RBL2: variants seen among roughly 807,000 people sequenced by gnomAD.
The protein encoded by RBL2 is retinoblastoma-like protein 2.
A neutral mutation model predicts 126.0 loss-of-function variants in RBL2; 56 were observed. The observed-to-expected ratio is 0.44, with a 90% CI of 0.36 to 0.56. The LOEUF is 0.56. Ranked by LOEUF, RBL2 falls within the 20% of genes least tolerant of loss-of-function variation. The pLI is 0.00. For missense variants in RBL2, 1,229 were observed against 1,398.2 expected (o/e 0.88, Z 1.93); for synonymous variants, 454 against 478.5 (o/e 0.95, Z 0.67).
At chr16:53,468,159 A>G (rs1460188029) in intron 14 of RBL2, among the ~76,000 whole-genome samples, 5 of 152,224 alleles carry the variant, frequency 3.3e-5, no homozygotes, top group African/African-American at 1.2e-4. Context: ...CTTGGATCCA[A>G]TTAAAAGAAT....
chr16:53,477,369 GC>G (rs1960766728), intron 17 of RBL2, among the ~76,000 whole-genome samples: 1 of 151,924 alleles, frequency 6.6e-6, no homozygotes, highest in Non-Finnish European at 1.5e-5. Context: ...ACTGAGTCTT[GC>G]TCTGTCGCCC....
rs766501197 is a variant in RBL2 at position 53,470,141 on chromosome 16, C to T, written c.2201C>T (p.Thr734Ile). ...ACTTTGGTCACCATGGCAACCGCCA[C>T]TGTCACAGCCAACAATGGGCAAACG... ...GQTLVTMATA[T>I]VTANNGQTVT... The change falls in exon 15 of 22, where the codon ACT (threonine) becomes ATT (isoleucine). Residue 734 changes from threonine (T) to isoleucine (I), a missense_variant. Thr to Ile is a moderately conservative substitution (Grantham distance 89). This residue lies in a region of RBL2 where 1,070 missense variants were observed against 1,274.3 expected (regional missense o/e 0.84). Transcript: ENST00000262133. 6.2e-7 allele frequency: 1 copy of T among 1,613,180 alleles called. No individual in the cohort carries two copies. The highest frequency in any genetic ancestry group is 8.5e-7 in the Non-Finnish European group (1 of 1,179,208).
At position 53,454,708 on chromosome 16, in the gene RBL2, G is replaced by A; in HGVS notation, c.1045G>A (p.Asp349Asn). The A allele has an allele frequency of 6.2e-7, 1 of 1,614,078 alleles. No individual in the cohort carries two copies. ...GTATGTTTTATCTGTTGGGAATTTA[G>A]ATGAGCGGATATTTCTTGGAGAGGA... ...EEYVLSVGNLDERIFLGEDAE... is the reference protein window; with the variant it reads ...EEYVLSVGNLNERIFLGEDAE... Residue 349 changes from aspartate (D) to asparagine (N), a missense_variant, in exon 8 of 22, where the codon GAT (aspartate) becomes AAT (asparagine). Asp to Asn is a conservative substitution (Grantham distance 23). Around this residue, in one of 2 missense-constraint regions of RBL2, gnomAD observed 1,070 missense variants for 1,274.3 expected, o/e 0.84. Transcript: ENST00000262133.
chr16:53,482,358 G>A (rs565291642), intron 21 of RBL2, among the ~76,000 whole-genome samples: 119 of 152,312 alleles, frequency 7.8e-4, no homozygotes, highest in African/African-American at 2.7e-3. Context: ...GGGAGCTGTT[G>A]AGGTATGGAA....
chr16:53,478,794 G>A (rs1371243273), intron 17 of RBL2, among the ~76,000 whole-genome samples: 1 of 151,958 alleles, frequency 6.6e-6, no homozygotes, highest in Non-Finnish European at 1.5e-5. Flanking sequence ...GCTAATTTTT[G>A]TATTTTTAGT....
Position 53,470,874 on chromosome 16 carries a change from C to T in RBL2, c.2655C>T (p.Asp885=), listed in dbSNP as rs371320916. The change falls in exon 17 of 22, where the codon GAC becomes GAT. Residue 885 remains aspartate (D), a synonymous_variant. Coordinates refer to ENST00000262133, the MANE Select transcript of RBL2 (RefSeq NM_005611.4). ...TTCAGTGTCCTGAACTTATGATGGA[C>T]AGACATCTGGACCAGTTATTAATGT... ...SIIQCPELMM[D]RHLDQLLMCA... 1.2e-6 allele frequency: 2 copies of T among 1,613,944 alleles called. No homozygotes were observed. Among genetic ancestry groups the T allele is most frequent in the Non-Finnish European group, 1.7e-6 (2 of 1,180,006 alleles).
Position 53,464,383 on chromosome 16 carries a change from A to C in RBL2, c.1698+20A>C. 1.3e-6 allele frequency: 2 copies of C among 1,540,558 alleles called. No individual in the cohort carries two copies. The highest frequency in any genetic ancestry group is 1.7e-4 in the Middle Eastern group (1 of 5,864). On this transcript the variant is annotated intron_variant, in intron 12 of 21. Coordinates refer to ENST00000262133, the MANE Select transcript of RBL2 (RefSeq NM_005611.4). ...TATAAGGTATTTTTAAAAATATGAT[A>C]CTAATGGGGATATTGTAGATGAGAC...
chr16:53,449,733 C>A (rs1019914679), intron 4 of RBL2: 4 of 151,968 alleles, frequency 2.6e-5, no homozygotes, highest in Non-Finnish European at 4.4e-5. Context: ...TCTTTTATAG[C>A]CACCTTTCTA....
chr16:53,443,795 TAA>T (rs2058037519), intron 3 of RBL2, among the ~76,000 whole-genome samples: 2 of 151,448 alleles, frequency 1.3e-5, no homozygotes, highest in Non-Finnish European at 2.9e-5. Flanking sequence ...ATGTTTACAT[TAA>T]GTGTAACCTT....
chr16:53,443,800 G>T (rs1006012584), intron 3 of RBL2, among the ~76,000 whole-genome samples: 3 of 149,538 alleles, frequency 2.0e-5, no homozygotes, highest in Non-Finnish European at 4.5e-5. Flanking sequence ...TACATTAAGT[G>T]TAACCTTTTA....
intron 13 of RBL2, 122 bp from the exon 14 acceptor site, chr16:53,466,936 A>G (rs1430887893): frequency 2.8e-6 from 2 of 711,600 alleles, no homozygotes; most frequent in Non-Finnish European, 4.6e-6. Context: ...AATGGGAAAG[A>G]CAGCTGATTT....
At chr16:53,438,615 G>A (rs1044938181) in intron 1 of RBL2, among the ~76,000 whole-genome samples, 21 of 151,930 alleles carry the variant, frequency 1.4e-4, no homozygotes, top group African/African-American at 4.6e-4. Flanking sequence ...AGGCCAAGGC[G>A]GATGGATCAC....
At chr16:53,467,315 G>A in intron 14 of RBL2, 146 bp downstream of exon 14, 1 of 626,768 alleles carries the variant, frequency 1.6e-6, no homozygotes, top group Non-Finnish European at 2.8e-6. Flanking sequence ...TTAAAAGAAG[G>A]GCCTTTAAAG....
intron 21 of RBL2, chr16:53,488,568 CAAG>C (rs1220793469): frequency 6.6e-6 from 1 of 151,902 alleles, no homozygotes; most frequent in Non-Finnish European, 1.5e-5. Flanking sequence ...TATTACAAAG[CAAG>C]AAGGGGGAGA....
chr16:53,460,300 A>G (rs2058208136), intron 9 of RBL2, among the ~76,000 whole-genome samples: 1 of 152,188 alleles, frequency 6.6e-6, no homozygotes, highest in Non-Finnish European at 1.5e-5. Flanking sequence ...AAAGGACCCC[A>G]TTTTATTTCT....
chr16:53,439,954 C>CAAAAAA (rs10591959), intron 2 of RBL2, among the ~76,000 whole-genome samples: 251 of 91,878 alleles, frequency 2.7e-3, no homozygotes, highest in African/African-American at 9.6e-3. Context: ...ACCTTGTCTC[C>CAAAAAA]AAAAAAAAAA....
intron 1 of RBL2, 101 bp downstream of exon 1, chr16:53,434,897 G>A (rs1258198054): frequency 2.2e-6 from 3 of 1,388,162 alleles, no homozygotes; most frequent in East Asian, 5.8e-5. Context: ...CGGGTTGCGG[G>A]CTCCCAGCCC....
rs1418348841 is a variant in RBL2, at chr16:53,470,233, T to C, written c.2245+48T>C. 3 of 1,570,386 alleles carry C rather than the reference T, an allele frequency of 1.9e-6. No individual in the cohort carries two copies. The South Asian group carries it at 3.6e-5, about 19-fold the overall frequency. On this transcript the variant is annotated intron_variant, in intron 15 of 21. Coordinates refer to ENST00000262133, the MANE Select transcript of RBL2 (RefSeq NM_005611.4). ...TTGAGTTCCTTCTCTGTGGCATGTATTGAAAAGTTACCCGAGGTTTGGCTA... is the reference window on the plus strand; with the variant it reads ...TTGAGTTCCTTCTCTGTGGCATGTACTGAAAAGTTACCCGAGGTTTGGCTA...
chr16:53,445,326 C>CAA (rs11360172), intron 3 of RBL2, among the ~76,000 whole-genome samples: 6 of 114,532 alleles, frequency 5.2e-5, no homozygotes, highest in Non-Finnish European at 7.5e-5. Flanking sequence ...GACCTTGTCT[C>CAA]AAAAAAAAAA....
Sources: gnomAD v4.1 joint callset for allele counts (sites outside exome capture counted in the v4.1 genomes callset) on GRCh38, gnomAD v4.1.1 for gene constraint, gnomAD v4.1.1 regional missense constraint, MANE v1.5 for transcripts, NCBI Gene and HGNC (gene_info 2026-07-23, HGNC 2026-07-21) for gene names.